The following CORIN variants were observed in gnomAD, a reference collection of about 807,000 sequenced individuals.
CORIN encodes corin, serine peptidase, also known as atrial natriuretic peptide-converting enzyme.
A neutral mutation model predicts 125.3 loss-of-function variants in CORIN; 117 were observed. The observed-to-expected ratio is 0.93, with a 90% CI of 0.80 to 1.09. The LOEUF (loss-of-function observed/expected upper bound fraction) is 1.09. Ranked by LOEUF, CORIN falls within the 50% of genes least tolerant of loss-of-function variation. CORIN has a pLI of 0.00. For missense variants in CORIN, 1,253 were observed against 1,306.7 expected (o/e 0.96, Z 0.63); for synonymous variants, 450 against 466.4 (o/e 0.96, Z 0.45).
At chr4:47,643,312 T>C (rs2109615981) in intron 14 of CORIN, 56 bp from the exon 15 acceptor site, 1 of 1,478,656 alleles carries the variant, frequency 6.8e-7, no homozygotes, top group East Asian at 2.3e-5. Flanking sequence ...AATGTGATTA[T>C]CACTAACATG....
intron 3 of CORIN, among the ~76,000 whole-genome samples, chr4:47,780,260 G>T (rs1300550905): frequency 6.6e-6 from 1 of 151,920 alleles, no homozygotes; most frequent in Non-Finnish European, 1.5e-5. Flanking sequence ...ATATAAGATT[G>T]TAAGAGGATG....
chr4:47,832,211 A>G (rs996535234), intron 1 of CORIN, among the ~76,000 whole-genome samples: 2 of 152,182 alleles, frequency 1.3e-5, no homozygotes, highest in Non-Finnish European at 2.9e-5. Context: ...AAGCAAAATC[A>G]TCAAGGCTGA....
intron 10 of CORIN, among the ~76,000 whole-genome samples, chr4:47,669,005 T>A (rs989201502): frequency 6.6e-6 from 1 of 152,208 alleles, no homozygotes; most frequent in African/African-American, 2.4e-5. Flanking sequence ...TCATGTGTGA[T>A]CCTGATTTAA....
chr4:47,701,020 AG>A (rs1560511543), intron 5 of CORIN, among the ~76,000 whole-genome samples: 6 of 152,238 alleles, frequency 3.9e-5, no homozygotes, highest in Admixed American at 2.0e-4. Flanking sequence ...GGTCTCCATT[AG>A]TACCTTTTAA....
At chr4:47,650,087 A>G (rs1437468882) in intron 13 of CORIN, among the ~76,000 whole-genome samples, 3 of 152,238 alleles carry the variant, frequency 2.0e-5, no homozygotes, top group Non-Finnish European at 4.4e-5. Context: ...CGTAAATATC[A>G]GAGTCAGATC....
intron 15 of CORIN, 26 bp downstream of exon 15, chr4:47,643,120 A>G (rs1380500882): frequency 3.1e-6 from 5 of 1,614,068 alleles, no homozygotes; most frequent in Non-Finnish European, 4.2e-6. Context: ...AGAGAGTACA[A>G]CAGATGGCAG....
At chr4:47,650,825 C>G (rs572588996) in intron 13 of CORIN, among the ~76,000 whole-genome samples, 4 of 152,176 alleles carry the variant, frequency 2.6e-5, no homozygotes, top group Non-Finnish European at 5.9e-5. Context: ...AGTGCAGATT[C>G]TGCTCAGCAT....
intron 2 of CORIN, among the ~76,000 whole-genome samples, chr4:47,801,530 A>G (rs1042751668): frequency 2.0e-5 from 3 of 152,270 alleles, no homozygotes; most frequent in Non-Finnish European, 4.4e-5. Context: ...AGAAGACAGT[A>G]AAGAGGGCAA....
chr4:47,760,239 A>G (rs1729385327), intron 4 of CORIN, among the ~76,000 whole-genome samples: 1 of 152,192 alleles, frequency 6.6e-6, no homozygotes, highest in Non-Finnish European at 1.5e-5. Flanking sequence ...CTCCTCTTAC[A>G]TCTCCGTAGA....
chr4:47,603,762 A>G (rs966380133), intron 19 of CORIN, 94 bp from the exon 20 acceptor site: 4 of 1,409,328 alleles, frequency 2.8e-6, no homozygotes, highest in Non-Finnish European at 3.8e-6. Context: ...TTATGTAAAT[A>G]ATGGCCATTT....
At chr4:47,836,237 T>C (rs562551115) in intron 1 of CORIN, among the ~76,000 whole-genome samples, 109 of 152,272 alleles carry the variant, frequency 7.2e-4, no homozygotes, top group African/African-American at 2.5e-3. Flanking sequence ...TGAGGACCAA[T>C]TTTTAGCACA....
chr4:47,603,332 A>G (rs1721520952), intron 20 of CORIN, 65 bp downstream of exon 20: 2 of 1,515,832 alleles, frequency 1.3e-6, no homozygotes, highest in African/African-American at 1.4e-5. Context: ...TCTTTCCTTT[A>G]TAAATTACCC....
At chr4:47,693,659 T>A (rs1231050748) in intron 5 of CORIN, among the ~76,000 whole-genome samples, 1 of 152,212 alleles carries the variant, frequency 6.6e-6, no homozygotes. Context: ...TATTTTGGCA[T>A]AAGGAACGGG....
chr4:47,671,841 G>A (rs1027023678), intron 10 of CORIN, among the ~76,000 whole-genome samples: 9 of 151,828 alleles, frequency 5.9e-5, no homozygotes, highest in African/African-American at 1.7e-4. Flanking sequence ...CACCCGCCTC[G>A]GCCTCCCAAA....
At chr4:47,820,042 T>C (rs2035138106) in intron 1 of CORIN, among the ~76,000 whole-genome samples, 1 of 152,144 alleles carries the variant, frequency 6.6e-6, no homozygotes, top group South Asian at 2.1e-4. Context: ...GTCCGGAGTA[T>C]AAAAGTGCCT....
intron 1 of CORIN, among the ~76,000 whole-genome samples, chr4:47,826,752 G>T (rs1732756659): frequency 6.6e-6 from 1 of 152,018 alleles, no homozygotes; most frequent in South Asian, 2.1e-4. Context: ...CAGGTCTCAG[G>T]CATTAGTATG....
At chr4:47,759,069 T>C (rs1037499677) in intron 4 of CORIN, among the ~76,000 whole-genome samples, 2 of 152,120 alleles carry the variant, frequency 1.3e-5, no homozygotes, top group Admixed American at 6.5e-5. Context: ...AGTAAACTGG[T>C]TTTTGACAAG....
intron 5 of CORIN, among the ~76,000 whole-genome samples, chr4:47,694,327 T>TA (rs1460745705): frequency 1.3e-5 from 2 of 152,216 alleles, no homozygotes; most frequent in African/African-American, 2.4e-5. Context: ...CAAATTTTCT[T>TA]ACAATGATGA....
intron 1 of CORIN, chr4:47,837,639 C>T (rs926441231): frequency 1.3e-5 from 8 of 606,376 alleles, no homozygotes; most frequent in Admixed American, 3.0e-5. Flanking sequence ...GAAACCCTGC[C>T]CATGACCCTG....
Sources: gnomAD v4.1 joint callset for allele counts (sites outside exome capture counted in the v4.1 genomes callset) on GRCh38, gnomAD v4.1.1 for gene constraint, MANE v1.5 for transcripts, NCBI Gene and HGNC (gene_info 2026-07-23, HGNC 2026-07-21) for gene names.